Variants in DPP4 observed in about 807,000 individuals in gnomAD.
DPP4 encodes the protein dipeptidyl peptidase 4.
A neutral mutation model predicts 122.4 loss-of-function variants in DPP4; 93 were observed. The observed-to-expected ratio is 0.76, with a 90% CI of 0.64 to 0.90. The LOEUF is 0.90. Ranked by LOEUF, DPP4 falls within the 40% of genes least tolerant of loss-of-function variation. The pLI is 0.00. For missense variants in DPP4, 914 were observed against 907.3 expected (o/e 1.01, Z -0.09); for synonymous variants, 321 against 302.9 (o/e 1.06, Z -0.62).
intron 2 of DPP4, among the ~76,000 whole-genome samples, chr2:162,059,679 C>G (rs1330990708): frequency 6.6e-6 from 1 of 152,142 alleles, no homozygotes; most frequent in Admixed American, 6.5e-5. Context: ...GTGTAATCAA[C>G]AAGGCTACTC....
At position 162,016,801 on chromosome 2, in the gene DPP4, T is replaced by A; in HGVS notation, c.1534A>T (p.Lys512Ter). Reference sequence around the variant, plus strand: ...TTCAAAATAATGAAGTCCAGTTTTTTGGAGGGCATCTGGACATTCTGCAGC... The same window carrying A: ...TTCAAAATAATGAAGTCCAGTTTTTAGGAGGGCATCTGGACATTCTGCAGC... ...KMLQNVQMPS[K>*]KLDFIILNET... The change falls in exon 18 of 26, where the codon AAA (lysine) becomes TAA (stop). Residue 512 changes from lysine (K) to a stop codon, truncating the protein, a stop_gained. Coordinates refer to ENST00000360534, the MANE Select transcript of DPP4 (RefSeq NM_001935.4). LOFTEE classifies it high-confidence loss of function. The A allele has an allele frequency of 6.2e-7, 1 of 1,612,868 alleles. No homozygotes were observed. Among genetic ancestry groups the A allele is most frequent in the Non-Finnish European group, 8.5e-7 (1 of 1,179,686 alleles).
Position 162,045,571 on chromosome 2 carries a change from A to C in DPP4, c.327T>G (p.Pro109=). The change falls in exon 5 of 26, where the codon CCT becomes CCG. Residue 109 remains proline, a synonymous_variant. Transcript: ENST00000360534. ...ATTCTAAGAGAATAAACTGCCCATC[A>C]GGAGATATTGAATAATCATTGATAG... ...GHSINDYSIS[P]DGQFILLEYN... 6.2e-7 allele frequency: 1 copy of C among 1,612,996 alleles called. No individual in the cohort carries two copies. Among genetic ancestry groups the C allele is most frequent in the Non-Finnish European group, 8.5e-7 (1 of 1,179,122 alleles).
chr2:162,034,928 T>G (rs1005320511), intron 9 of DPP4, among the ~76,000 whole-genome samples: 2 of 152,154 alleles, frequency 1.3e-5, no homozygotes, highest in Non-Finnish European at 2.9e-5. Flanking sequence ...TTTTCCCCAT[T>G]TTTTCTGCTT....
chr2:162,025,756 C>T (rs1185494964), intron 10 of DPP4, among the ~76,000 whole-genome samples: 3 of 152,152 alleles, frequency 2.0e-5, no homozygotes, highest in Admixed American at 2.0e-4. Flanking sequence ...GATTACTATT[C>T]ACAAATCCCT....
chr2:162,020,632 G>C lies in DPP4; in HGVS notation c.1125C>G (p.Ile375Met). The C allele has an allele frequency of 6.2e-7, 1 of 1,612,804 alleles. No homozygotes were observed. The highest frequency in any genetic ancestry group is 8.5e-7 in the Non-Finnish European group (1 of 1,179,690). Residue 375 changes from isoleucine to methionine, a missense_variant, in exon 13 of 26, where the codon ATC becomes ATG. Physicochemically the swap from Ile to Met is conservative, Grantham distance 10. Transcript: ENST00000360534. ...TGTGTCTGTAACCTTCTTCATTGCTGATGATCTTGTAGAAGCTATTACCAT... is the reference window on the plus strand; with the variant it reads ...TGTGTCTGTAACCTTCTTCATTGCTCATGATCTTGTAGAAGCTATTACCAT... ...TLDGNSFYKI[I>M]SNEEGYRHIC... is the part of the protein sequence containing the mutation.
Position 162,038,310 on chromosome 2 carries a change from A to G in DPP4, c.605T>C (p.Val202Ala). 1.9e-6 allele frequency: 3 copies of G among 1,574,330 alleles called. No individual in the cohort carries two copies. The Admixed American group carries it at 5.8e-5, about 31-fold the overall frequency. Residue 202 changes from valine to alanine, a missense_variant, in exon 8 of 26, where the codon GTT becomes GCT. Physicochemically the swap from Val to Ala is moderately conservative, Grantham distance 64. Coordinates refer to ENST00000360534, the MANE Select transcript of DPP4 (RefSeq NM_001935.4). ...DIIYNGITDWVYEEEVFSAYS... is the reference protein window; with the variant it reads ...DIIYNGITDWAYEEEVFSAYS... ...AGCTTTAAAGTTTCTACCTTCATAA[A>G]CCCAGTCAGTTATTCCATTATATAT...
At position 162,038,292 on chromosome 2, in the gene DPP4, A is replaced by G; in HGVS notation, c.613+10T>C. On this transcript the variant is annotated intron_variant, in intron 8 of 25. Coordinates refer to ENST00000360534, the MANE Select transcript of DPP4 (RefSeq NM_001935.4). The stretch of plus-strand genomic sequence containing the variant: ...GATTTTCTGATTTGAAAAAGCTTTA[A>G]AGTTTCTACCTTCATAAACCCAGTC... The G allele has an allele frequency of 2.0e-6, 3 of 1,537,832 alleles. No individual in the cohort carries two copies. The highest frequency in any genetic ancestry group is 2.6e-6 in the Non-Finnish European group (3 of 1,148,742).
At chr2:162,028,057 TA>T (rs201617035) in intron 10 of DPP4, among the ~76,000 whole-genome samples, 9,687 of 133,826 alleles carry the variant, frequency 0.072, 640 homozygotes, top group East Asian at 0.28. Flanking sequence ...AAGAATCATT[TA>T]AAAAAAAAAA....
rs1683900665 is a variant in DPP4, at chr2:162,039,188, T to C, written c.367-4A>G. 1 of 1,611,982 alleles carries C rather than the reference T, an allele frequency of 6.2e-7. No individual in the cohort carries two copies. Among genetic ancestry groups the C allele is most frequent in the South Asian group, 1.1e-5 (1 of 91,018 alleles). ...CTGTGTAGGAATGCCTCCATTGCTA[T>C]GAAAGAAAACAGACATTTCAGGCTT... On this transcript the variant is annotated splice_region_variant and splice_polypyrimidine_tract_variant and intron_variant, in intron 5 of 25. Coordinates refer to ENST00000360534, the MANE Select transcript of DPP4 (RefSeq NM_001935.4).
rs116618975 is a variant in DPP4 at position 162,019,314 on chromosome 2, T to A, written c.1245-38A>T. The stretch of plus-strand genomic sequence containing the variant: ...AAAAATGAAATATATATTAATTATG[T>A]TTTTTAAGAAGTCAGAGGCGATCCA... On this transcript the variant is annotated intron_variant, in intron 14 of 25. Coordinates refer to ENST00000360534, the MANE Select transcript of DPP4 (RefSeq NM_001935.4). 8.0e-4 allele frequency: 1,105 copies of A among 1,387,554 alleles called. 11 individuals carry two copies. In the African/African-American group the frequency reaches 0.015, roughly 19 times the overall value. The allele number at this position is 1,387,554 out of a possible 1,614,324, so 86.0% of individuals were successfully genotyped here.
chr2:162,019,573 A>G (rs1363908407), intron 14 of DPP4, among the ~76,000 whole-genome samples: 1 of 152,112 alleles, frequency 6.6e-6, no homozygotes, highest in Non-Finnish European at 1.5e-5. Context: ...AAATAGGACT[A>G]GGCAGCTAGC....
At chr2:162,069,146 C>A (rs1295981974) in intron 2 of DPP4, among the ~76,000 whole-genome samples, 1 of 152,002 alleles carries the variant, frequency 6.6e-6, no homozygotes, top group Non-Finnish European at 1.5e-5. Context: ...ACTAAAGTAC[C>A]CTCTCAAAGT....
chr2:162,008,604 A>T lies in DPP4; in HGVS notation c.1945T>A (p.Cys649Ser). Residue 649 changes from cysteine (C) to serine (S), a missense_variant, in exon 22 of 26, where the codon TGT becomes AGT. By Grantham distance (112) the Cys-to-Ser change is moderately radical (BLOSUM62 -1). Coordinates refer to ENST00000360534, the MANE Select transcript of DPP4 (RefSeq NM_001935.4). ...GATACAGGCGCCACGGCTATTCCAC[A>T]CTTGAACACGCCACTTCCCGATCCC... ...VLGSGSGVFK[C>S]GIAVAPVSRW... 3.1e-6 allele frequency: 5 copies of T among 1,613,582 alleles called. No individual in the cohort carries two copies. Among genetic ancestry groups the T allele is most frequent in the Non-Finnish European group, 4.2e-6 (5 of 1,179,696 alleles).
chr2:162,008,146 T>C (rs1394393558), intron 22 of DPP4, among the ~76,000 whole-genome samples: 1 of 152,078 alleles, frequency 6.6e-6, no homozygotes, highest in East Asian at 1.9e-4. Flanking sequence ...CCAATGGGTG[T>C]TTCCACTGTT....
In DPP4 at chr2:161,992,781, G is replaced by A. The variant is rs527526152; in HGVS notation, c.*502C>T. The A allele has an allele frequency of 3.2e-5, 5 of 154,834 alleles. No individual in the cohort carries two copies. The highest frequency in any genetic ancestry group is 7.2e-5 in the African/African-American group (3 of 41,578). The allele number at this position is 154,834 out of a possible 1,614,324, so 9.6% of individuals were successfully genotyped here. A position where few individuals can be genotyped will look rare whatever the true frequency, so the allele number is the denominator to read the frequency against. On this transcript the variant is annotated 3_prime_UTR_variant, in exon 26 of 26. Transcript: ENST00000360534. ...GTCTGGCTGTGAACAGCTCTTCTCC[G>A]AGGGGAGCTGACAGTAGCCTGCTCG...
intron 23 of DPP4, among the ~76,000 whole-genome samples, chr2:162,001,585 A>G (rs1701149357): frequency 6.6e-6 from 1 of 152,212 alleles, no homozygotes; most frequent in African/African-American, 2.4e-5. Flanking sequence ...GGCACCTTGA[A>G]TGGGTGAATG....
At chr2:162,031,003 T>C (rs896910141) in intron 10 of DPP4, among the ~76,000 whole-genome samples, 1 of 152,172 alleles carries the variant, frequency 6.6e-6, no homozygotes, top group Non-Finnish European at 1.5e-5. Context: ...AACGGATCTG[T>C]AAGTGGGAAA....
At chr2:162,071,955 C>T (rs2300753) in intron 2 of DPP4, among the ~76,000 whole-genome samples, 6 of 152,130 alleles carry the variant, frequency 3.9e-5, no homozygotes, top group Non-Finnish European at 5.9e-5. Context: ...AAACTTCCAG[C>T]GATGCTGTGA....
intron 9 of DPP4, among the ~76,000 whole-genome samples, chr2:162,034,245 C>T (rs1345314051): frequency 1.3e-5 from 2 of 152,030 alleles, no homozygotes; most frequent in Non-Finnish European, 2.9e-5. Context: ...ACACATAGAT[C>T]TTCGATTGAC....
Sources: allele counts gnomAD v4.1 joint callset (sites outside exome capture counted in the v4.1 genomes callset), GRCh38; gene constraint gnomAD v4.1.1; transcripts MANE v1.5; gene names NCBI Gene and HGNC (gene_info 2026-07-23, HGNC 2026-07-21).